DTL: variants seen among roughly 807,000 people sequenced by gnomAD.
The protein encoded by DTL is denticleless E3 ubiquitin protein ligase adapter.
Under a neutral mutation model 87.0 loss-of-function variants are expected in DTL, and 46 were observed. That is an observed-to-expected ratio of 0.53 (90% CI 0.42 to 0.68). The LOEUF is 0.68. Ranked by LOEUF, DTL falls within the 30% of genes least tolerant of loss-of-function variation. DTL has a pLI of 0.00. For synonymous variants in DTL, 308 were observed against 311.2 expected, an observed-to-expected ratio of 0.99 and a Z score of 0.11; for missense variants, 737 against 869.4, an observed-to-expected ratio of 0.85 and a Z score of 1.91.
intron 9 of DTL, 80 bp from the exon 10 acceptor site, chr1:212,068,519 A>T (rs1030609767): frequency 1.1e-6 from 1 of 947,640 alleles, no homozygotes. Flanking sequence ...TTATGAAATG[A>T]TCTATTTTTG....
At position 212,042,866 on chromosome 1, in the gene DTL, A is replaced by G. The variant is rs917482200; in HGVS notation, c.53-127A>G. The G allele has an allele frequency of 1.4e-5, 12 of 883,132 alleles. No homozygotes were observed. The African/African-American group carries it at 2.1e-4, about 15-fold the overall frequency. The allele number at this position is 883,132 out of a possible 1,614,324, so 54.7% of individuals were successfully genotyped here. A position where few individuals can be genotyped will look rare whatever the true frequency, so the allele number is the denominator to read the frequency against. ...AACAGAAATGGTGTCTTCCATAGAT[A>G]TTAATAGTAAGTGGATCTATGTTAA... On this transcript the variant is annotated intron_variant, in intron 1 of 14. Transcript: ENST00000366991.
chr1:212,072,696 G>A (rs1010516445), intron 11 of DTL, among the ~76,000 whole-genome samples: 4 of 151,194 alleles, frequency 2.6e-5, no homozygotes, highest in African/African-American at 7.3e-5. Flanking sequence ...TGATCTTCAG[G>A]CCACTAAAGT....
At chr1:212,041,026 A>G (rs1667624057) in intron 1 of DTL, among the ~76,000 whole-genome samples, 1 of 152,242 alleles carries the variant, frequency 6.6e-6, no homozygotes, top group Admixed American at 6.5e-5. Flanking sequence ...CTTGTATACT[A>G]CTTGGAATAT....
chr1:212,092,109 A>G (rs1655302150), intron 13 of DTL, among the ~76,000 whole-genome samples: 1 of 151,980 alleles, frequency 6.6e-6, no homozygotes, highest in Non-Finnish European at 1.5e-5. Context: ...TTTATCCCTT[A>G]CCTCCCTCCC....
In DTL at chr1:212,064,945, C is replaced by G; in HGVS notation, c.555C>G (p.Ile185Met). 6.2e-7 allele frequency: 1 copy of G among 1,614,072 alleles called. No individual in the cohort carries two copies. Residue 185 changes from isoleucine to methionine, a missense_variant, in exon 7 of 15, where the codon ATC becomes ATG. Transcript: ENST00000366991. Reference sequence around the variant, plus strand: ...GGTTTTATAGGCAAGTGAATCAAATCAGTGGAGCTCACAATACCTCAGACA... The same window carrying G: ...GGTTTTATAGGCAAGTGAATCAAATGAGTGGAGCTCACAATACCTCAGACA... The part of the protein sequence containing the change: ...KDGFYRQVNQ[I>M]SGAHNTSDKQ...
chr1:212,041,394 T>G (rs1225413752), intron 1 of DTL, among the ~76,000 whole-genome samples: 1 of 152,084 alleles, frequency 6.6e-6, no homozygotes, highest in Non-Finnish European at 1.5e-5. Context: ...TGATTTTTTT[T>G]TTTAATTCCA....
rs769768923 is a variant in DTL at position 212,044,795 on chromosome 1, A to T, written c.277+37A>T. On this transcript the variant is annotated intron_variant, in intron 3 of 14. Transcript: ENST00000366991. Reference sequence around the variant, plus strand: ...TCTACAATTTTTGTTTTAACATTTAAAAAACTTTACACATCCTCAAGTATA... The same window carrying T: ...TCTACAATTTTTGTTTTAACATTTATAAAACTTTACACATCCTCAAGTATA... 9.2e-6 allele frequency: 12 copies of T among 1,297,796 alleles called. No individual in the cohort carries two copies. The South Asian group carries it at 1.5e-4, about 16-fold the overall frequency. The allele number at this position is 1,297,796 out of a possible 1,614,324, so 80.4% of individuals were successfully genotyped here. A position where few individuals can be genotyped will look rare whatever the true frequency, so the allele number is the denominator to read the frequency against.
chr1:212,100,986 A>G lies in DTL; in HGVS notation c.1996A>G (p.Met666Val), dbSNP rs1435910654. The change falls in exon 14 of 15, where the codon ATG (methionine) becomes GTG (valine). Residue 666 changes from methionine to valine, a missense_variant. Physicochemically the swap from Met to Val is conservative, Grantham distance 21 (BLOSUM62 1). Transcript: ENST00000366991. Reference sequence around the variant, plus strand: ...AGAGAATAAAAACTGGTTGTTGGCCATGGCAGCCAAACGGAAGGCTGAGAA... The same window carrying G: ...AGAGAATAAAAACTGGTTGTTGGCCGTGGCAGCCAAACGGAAGGCTGAGAA... ...SPENKNWLLA[M>V]AAKRKAENPS... The G allele has an allele frequency of 2.5e-6, 4 of 1,614,036 alleles. No homozygotes were observed. In the African/African-American group the frequency reaches 4.0e-5, roughly 16 times the overall value.
chr1:212,092,155 T>C (rs1329633169), intron 13 of DTL, among the ~76,000 whole-genome samples: 2 of 152,234 alleles, frequency 1.3e-5, no homozygotes, highest in East Asian at 3.8e-4. Flanking sequence ...ATCATTCTTA[T>C]GCCTTTGCGT....
At chr1:212,057,022 AT>A (rs1490435870) in intron 5 of DTL, among the ~76,000 whole-genome samples, 5 of 152,178 alleles carry the variant, frequency 3.3e-5, no homozygotes, top group Non-Finnish European at 7.4e-5. Flanking sequence ...GGCCAAATAT[AT>A]GAATTTTCAG....
chr1:212,098,573 GGGCTTGCTGT>G (rs1655517833), intron 13 of DTL, among the ~76,000 whole-genome samples: 1 of 152,092 alleles, frequency 6.6e-6, no homozygotes, highest in Admixed American at 6.5e-5. Context: ...TCCTTGGGCA[GGGCTTGCTGT>G]GGCCTCTGGG....
intron 2 of DTL, among the ~76,000 whole-genome samples, chr1:212,043,700 C>T (rs1055488513): frequency 3.3e-5 from 5 of 151,894 alleles, no homozygotes; most frequent in Non-Finnish European, 7.4e-5. Flanking sequence ...CGTGGTGGCG[C>T]ACCCCTGTAA....
At chr1:212,090,978 TCAA>T (rs1031560977) in intron 13 of DTL, among the ~76,000 whole-genome samples, 8 of 152,244 alleles carry the variant, frequency 5.3e-5, no homozygotes, top group African/African-American at 1.7e-4. Context: ...CTAGCATTGC[TCAA>T]CAGTTTATAT....
intron 5 of DTL, among the ~76,000 whole-genome samples, chr1:212,052,788 C>T (rs1302687056): frequency 6.6e-6 from 1 of 151,408 alleles, no homozygotes; most frequent in African/African-American, 2.4e-5. Context: ...TTATCCCATG[C>T]ATCCTTGAGG....
chr1:212,100,768 G>A lies in DTL; in HGVS notation c.1778G>A (p.Gly593Asp). 6.2e-7 allele frequency: 1 copy of A among 1,614,072 alleles called. No homozygotes were observed. The highest frequency in any genetic ancestry group is 8.5e-7 in the Non-Finnish European group (1 of 1,180,000). Residue 593 changes from glycine to aspartate, a missense_variant, in exon 14 of 15, where the codon GGT becomes GAT. Gly to Asp is a moderately conservative substitution (Grantham distance 94). Transcript: ENST00000366991. ...CATTTGGATCTGTGCTGCCTTGCTG[G>A]TAACCAGGAAGACCTTAGTAAGGAC... ...NLHLDLCCLA[G>D]NQEDLSKDSL...
At chr1:212,071,636 G>A (rs896947106) in intron 10 of DTL, among the ~76,000 whole-genome samples, 1 of 151,698 alleles carries the variant, frequency 6.6e-6, no homozygotes, top group African/African-American at 2.4e-5. Flanking sequence ...GATCTACTCT[G>A]TTCAAAGCAC....
At chr1:212,062,619 T>C (rs1438912296) in intron 5 of DTL, among the ~76,000 whole-genome samples, 1 of 152,234 alleles carries the variant, frequency 6.6e-6, no homozygotes, top group Non-Finnish European at 1.5e-5. Context: ...GTTATTCTTA[T>C]TACAACTGTA....
At chr1:212,062,985 G>A (rs775734452) in intron 6 of DTL, 36 bp downstream of exon 6, 7 of 1,501,796 alleles carry the variant, frequency 4.7e-6, no homozygotes, top group Admixed American at 1.7e-5. Context: ...AGAGATTTGG[G>A]ATTACCCTGT....
At chr1:212,095,343 G>T (rs1421263239) in intron 13 of DTL, among the ~76,000 whole-genome samples, 1 of 152,086 alleles carries the variant, frequency 6.6e-6, no homozygotes, top group Admixed American at 6.6e-5. Context: ...TGCTTCTATT[G>T]AAGTGATCAT....
Sources: allele counts gnomAD v4.1 joint callset (sites outside exome capture counted in the v4.1 genomes callset), GRCh38; gene constraint gnomAD v4.1.1; transcripts MANE v1.5; gene names NCBI Gene and HGNC (gene_info 2026-07-23, HGNC 2026-07-21).